MAN2A1: variants seen among roughly 807,000 people sequenced by gnomAD.
MAN2A1 encodes mannosidase alpha class 2A member 1, also known as alpha-mannosidase 2.
A neutral mutation model predicts 142.6 loss-of-function variants in MAN2A1; 76 were observed. The ratio of observed to expected loss-of-function variants is 0.53; its 90% CI spans 0.44 to 0.65. MAN2A1 has a LOEUF of 0.65. Ranked by LOEUF, MAN2A1 falls within the 30% of genes least tolerant of loss-of-function variation. MAN2A1 has a pLI of 0.00. For missense variants in MAN2A1, 1,311 were observed against 1,365.1 expected, an observed-to-expected ratio of 0.96 and a Z score of 0.62; for synonymous variants, 559 against 473.2, an observed-to-expected ratio of 1.18 and a Z score of -2.35.
At chr5:109,815,711 T>C (rs1561525886) in intron 12 of MAN2A1, among the ~76,000 whole-genome samples, 1 of 152,224 alleles carries the variant, frequency 6.6e-6, no homozygotes, top group Non-Finnish European at 1.5e-5. Flanking sequence ...ATTCATTTTA[T>C]TTCTTAATGA....
At position 109,723,068 on chromosome 5, in the gene MAN2A1, C is replaced by T. The variant is rs1171678685; in HGVS notation, c.536-6274C>T. Among the ~76,000 whole-genome samples the T allele has an allele frequency of 1.3e-5, 2 of 152,094 alleles. 1 individual carries two copies. Among genetic ancestry groups the T allele is most frequent in the Non-Finnish European group, 2.9e-5 (2 of 67,998 alleles). On this transcript the variant is annotated intron_variant, in intron 3 of 21. Transcript: ENST00000261483. ...AAAAGTATGCAGGTCTTCTAAGGGG[C>T]ACTTAGAAAAGCAATATAATAAGGG...
intron 1 of MAN2A1, among the ~76,000 whole-genome samples, chr5:109,703,710 T>C (rs1416662221): frequency 6.6e-6 from 1 of 152,256 alleles, no homozygotes; most frequent in Admixed American, 6.5e-5. Flanking sequence ...GCCACTTAAT[T>C]GCAGTTATTA....
intron 5 of MAN2A1, among the ~76,000 whole-genome samples, chr5:109,759,876 T>TTATTGGCCAGTGGTATA (rs1341081547): frequency 1.3e-5 from 2 of 152,098 alleles, no homozygotes; most frequent in East Asian, 1.9e-4. Flanking sequence ...TTTGTTGTGC[T>TTATTGGCCAGTGGTATA]TATTGGCCAG....
chr5:109,797,643 T>C (rs921848132), intron 12 of MAN2A1, among the ~76,000 whole-genome samples: 2 of 152,050 alleles, frequency 1.3e-5, no homozygotes, highest in Non-Finnish European at 2.9e-5. Flanking sequence ...TGATCAAAGA[T>C]ATAATTGATG....
At chr5:109,836,742 A>G (rs948403004) in intron 16 of MAN2A1, among the ~76,000 whole-genome samples, 2 of 152,188 alleles carry the variant, frequency 1.3e-5, no homozygotes, top group Non-Finnish European at 1.5e-5. Flanking sequence ...AATAATATAT[A>G]TGTGTACTCT....
At chr5:109,858,883 C>T (rs906643991) in intron 20 of MAN2A1, among the ~76,000 whole-genome samples, 6 of 152,306 alleles carry the variant, frequency 3.9e-5, no homozygotes, top group Admixed American at 2.0e-4. Context: ...GTGAGGGAGG[C>T]GAGTTGCAGG....
At chr5:109,781,055 T>A (rs1432116023) in intron 8 of MAN2A1, among the ~76,000 whole-genome samples, 1 of 152,220 alleles carries the variant, frequency 6.6e-6, no homozygotes, top group Non-Finnish European at 1.5e-5. Flanking sequence ...CCCTCATCTT[T>A]CATTTATGTG....
intron 11 of MAN2A1, 98 bp downstream of exon 11, chr5:109,789,146 A>G (rs1753675175): frequency 3.1e-6 from 2 of 639,130 alleles, no homozygotes; most frequent in Non-Finnish European, 5.3e-6. Context: ...AGACATTGAA[A>G]TATAATTTTT....
intron 19 of MAN2A1, among the ~76,000 whole-genome samples, chr5:109,850,843 A>G (rs1283738242): frequency 6.6e-6 from 1 of 152,216 alleles, no homozygotes; most frequent in Non-Finnish European, 1.5e-5. Flanking sequence ...TTACTCAAGT[A>G]TAGATTCTGG....
At chr5:109,759,262 G>A (rs1043972213) in intron 5 of MAN2A1, among the ~76,000 whole-genome samples, 2 of 152,056 alleles carry the variant, frequency 1.3e-5, no homozygotes, top group Non-Finnish European at 2.9e-5. Context: ...AGCTTTCAGT[G>A]TAAAAGTCCT....
At chr5:109,850,681 C>T (rs1755461092) in intron 19 of MAN2A1, among the ~76,000 whole-genome samples, 1 of 152,150 alleles carries the variant, frequency 6.6e-6, no homozygotes, top group Non-Finnish European at 1.5e-5. Flanking sequence ...ATCTATAAAA[C>T]TTCTGTTAAC....
At chr5:109,733,125 A>G (rs1001900124) in intron 4 of MAN2A1, among the ~76,000 whole-genome samples, 11 of 152,096 alleles carry the variant, frequency 7.2e-5, no homozygotes, top group South Asian at 2.1e-4. Context: ...CTTTGAAGCA[A>G]TTGTGAATGG....
chr5:109,729,756 G>A (rs1400279119), intron 4 of MAN2A1, among the ~76,000 whole-genome samples: 1 of 152,146 alleles, frequency 6.6e-6, no homozygotes, highest in African/African-American at 2.4e-5. Context: ...ACTTTGGGAG[G>A]CCGAGGTGGG....
At chr5:109,771,584 T>G (rs1753146701) in intron 7 of MAN2A1, among the ~76,000 whole-genome samples, 1 of 152,206 alleles carries the variant, frequency 6.6e-6, no homozygotes, top group Admixed American at 6.5e-5. Flanking sequence ...TTCATTTTCT[T>G]GGTTCCTACA....
chr5:109,860,499 C>T lies in MAN2A1; in HGVS notation c.3172-4537C>T, dbSNP rs1341248247. 2.0e-5 allele frequency among the ~76,000 whole-genome samples: 3 copies of T among 152,146 alleles called. No homozygotes were observed. In the East Asian group the frequency reaches 5.8e-4, roughly 29 times the overall value. On this transcript the variant is annotated intron_variant, in intron 20 of 21. Coordinates refer to ENST00000261483, the MANE Select transcript of MAN2A1 (RefSeq NM_002372.4). ...GTAGCCGTGCCTTAATCTATGTGCA[C>T]CTTACTAACCGTGTGAAGAGGGTGG...
intron 12 of MAN2A1, among the ~76,000 whole-genome samples, chr5:109,798,563 A>C (rs990841591): frequency 6.6e-6 from 1 of 152,182 alleles, no homozygotes; most frequent in Admixed American, 6.5e-5. Context: ...TTCACTCTCA[A>C]AATTAGTTTG....
intron 16 of MAN2A1, among the ~76,000 whole-genome samples, chr5:109,840,862 A>G (rs542627554): frequency 1.9e-4 from 29 of 151,942 alleles, no homozygotes; most frequent in Non-Finnish European, 3.1e-4. Flanking sequence ...AGCCCCGACA[A>G]TCATGGGGCC....
Position 109,868,820 on chromosome 5 carries a change from C to G in MAN2A1, c.*1822C>G, listed in dbSNP as rs1372756251. On this transcript the variant is annotated 3_prime_UTR_variant, in exon 22 of 22. Transcript: ENST00000261483. ...TGTTAGGGTTGCCAGAAGCAAATCC[C>G]AGGAATGAGATCAGTATTTTCATTG... 1 of 152,112 alleles carries G rather than the reference C, an allele frequency of 6.6e-6. No individual in the cohort carries two copies. Among genetic ancestry groups the G allele is most frequent in the Non-Finnish European group, 1.5e-5 (1 of 68,020 alleles). The allele number at this position is 152,112 out of a possible 1,614,324, so 9.4% of individuals were successfully genotyped here.
intron 3 of MAN2A1, among the ~76,000 whole-genome samples, chr5:109,724,121 T>G (rs1466443121): frequency 5.3e-5 from 8 of 152,184 alleles, no homozygotes; most frequent in Non-Finnish European, 1.0e-4. Context: ...GTAATACCAT[T>G]TAAGATTGTA....
Sources: allele counts gnomAD v4.1 joint callset (sites outside exome capture counted in the v4.1 genomes callset), GRCh38; gene constraint gnomAD v4.1.1; transcripts MANE v1.5; gene names NCBI Gene and HGNC (gene_info 2026-07-23, HGNC 2026-07-21).